Variants in PLCB4 observed in about 807,000 individuals in gnomAD.
PLCB4 encodes 1-phosphatidylinositol 4,5-bisphosphate phosphodiesterase beta-4.
In PLCB4, 77 loss-of-function variants were observed where a neutral mutation model predicts 178.8. The observed-to-expected ratio is 0.43, with a 90% CI of 0.36 to 0.52. The LOEUF is 0.52. PLCB4 is among the 20% of genes least tolerant of loss of function. PLCB4 has a pLI of 0.00. For missense variants in PLCB4, 1,024 were observed against 1,453.4 expected, an observed-to-expected ratio of 0.70 and a Z score of 4.80; for synonymous variants, 496 against 490.8, an observed-to-expected ratio of 1.01 and a Z score of -0.14.
At chr20:9,169,585 T>A (rs949725612) in intron 2 of PLCB4, among the ~76,000 whole-genome samples, 8 of 144,406 alleles carry the variant, frequency 5.5e-5, no homozygotes, top group African/African-American at 1.8e-4. Context: ...CAAGACTGTC[T>A]AATAAATAAA....
At chr20:9,444,722 A>G (rs1206019067) in intron 32 of PLCB4, among the ~76,000 whole-genome samples, 2 of 152,194 alleles carry the variant, frequency 1.3e-5, no homozygotes, top group Non-Finnish European at 2.9e-5. Flanking sequence ...AGATCGTGCC[A>G]TTGCATTCCA....
intron 25 of PLCB4, among the ~76,000 whole-genome samples, chr20:9,415,110 AAGTT>A (rs770956719): frequency 6.6e-6 from 1 of 152,168 alleles, no homozygotes; most frequent in African/African-American, 2.4e-5. Context: ...AGTGTAATAA[AAGTT>A]AGGTGAATGT....
chr20:9,362,742 G>A (rs556773060), intron 7 of PLCB4, among the ~76,000 whole-genome samples, 154 bp from the exon 8 acceptor site: 1 of 152,134 alleles, frequency 6.6e-6, no homozygotes, highest in African/African-American at 2.4e-5. Flanking sequence ...TAAAATATGA[G>A]CCTGCAAAAT....
At chr20:9,342,259 A>T (rs1701551017) in intron 7 of PLCB4, among the ~76,000 whole-genome samples, 1 of 152,204 alleles carries the variant, frequency 6.6e-6, no homozygotes, top group Non-Finnish European at 1.5e-5. Flanking sequence ...ATACACATAG[A>T]TATAATTACC....
intron 2 of PLCB4, among the ~76,000 whole-genome samples, chr20:9,192,811 GA>G (rs145414689): frequency 8.2e-4 from 123 of 150,286 alleles, no homozygotes; most frequent in Admixed American, 5.7e-3. Flanking sequence ...AACAAAAAAA[GA>G]AAAAAAAATG....
At chr20:9,238,279 A>T (rs139338182) in intron 3 of PLCB4, among the ~76,000 whole-genome samples, 47 of 152,280 alleles carry the variant, frequency 3.1e-4, no homozygotes, top group Non-Finnish European at 4.1e-4. Context: ...ATACAAGCAA[A>T]CATCTCATGG....
At chr20:9,464,540 TA>T (rs1471365464) in intron 35 of PLCB4, among the ~76,000 whole-genome samples, 1 of 151,636 alleles carries the variant, frequency 6.6e-6, no homozygotes, top group East Asian at 1.9e-4. Context: ...CTAGCAAGAC[TA>T]ATAAAGAAGA....
At chr20:9,222,009 G>A (rs1307562374) in intron 3 of PLCB4, among the ~76,000 whole-genome samples, 1 of 147,002 alleles carries the variant, frequency 6.8e-6, no homozygotes, top group Non-Finnish European at 1.5e-5. Context: ...TGTTTCTTGG[G>A]CACCTTCTAT....
At chr20:9,161,988 C>A (rs1040217350) in intron 2 of PLCB4, among the ~76,000 whole-genome samples, 1 of 152,130 alleles carries the variant, frequency 6.6e-6, no homozygotes, top group Non-Finnish European at 1.5e-5. Flanking sequence ...GCATGAAGAG[C>A]TGGAGGAACA....
At chr20:9,348,306 A>G (rs2034009297) in intron 7 of PLCB4, among the ~76,000 whole-genome samples, 1 of 152,208 alleles carries the variant, frequency 6.6e-6, no homozygotes, top group Non-Finnish European at 1.5e-5. Context: ...AGAAACATTC[A>G]GTGTGGAATC....
chr20:9,320,440 C>A (rs1432435400), intron 4 of PLCB4, among the ~76,000 whole-genome samples: 1 of 152,144 alleles, frequency 6.6e-6, no homozygotes, highest in Non-Finnish European at 1.5e-5. Flanking sequence ...CTTAGTGCAT[C>A]CTGTTTTATC....
intron 32 of PLCB4, among the ~76,000 whole-genome samples, chr20:9,447,114 A>G (rs958647567): frequency 6.6e-6 from 1 of 152,212 alleles, no homozygotes; most frequent in African/African-American, 2.4e-5. Context: ...GCTTAAGCAC[A>G]TATTCTTAGG....
rs1476171740 is a variant in PLCB4 at position 9,076,195 on chromosome 20, G to A, written c.-135+6989G>A. On this transcript the variant is annotated intron_variant, in intron 1 of 39. Coordinates refer to ENST00000378473, the MANE Select transcript of PLCB4 (RefSeq NM_001377142.1). ...AAAATAAGAACACCTGGCCGGGCGC[G>A]ATGGCTCACGCCTGTAATTTCAGCA... is the stretch of plus-strand genomic sequence containing the variant. Among the ~76,000 whole-genome samples, 5 of 152,108 alleles carry A rather than the reference G, an allele frequency of 3.3e-5. No homozygotes were observed. The South Asian group carries it at 6.2e-4, about 19-fold the overall frequency.
intron 2 of PLCB4, among the ~76,000 whole-genome samples, chr20:9,164,136 C>G (rs1299084372): frequency 1.3e-5 from 2 of 152,100 alleles, no homozygotes; most frequent in African/African-American, 2.4e-5. Context: ...TTAAAACATC[C>G]CAGACTGTAG....
At chr20:9,332,504 T>C (rs1174329491) in intron 4 of PLCB4, among the ~76,000 whole-genome samples, 1 of 152,186 alleles carries the variant, frequency 6.6e-6, no homozygotes, top group Admixed American at 6.5e-5. Context: ...GTTTGAAGCA[T>C]TTGGTCCAAG....
At chr20:9,145,255 A>T (rs2092576120) in intron 2 of PLCB4, among the ~76,000 whole-genome samples, 1 of 152,160 alleles carries the variant, frequency 6.6e-6, no homozygotes. Context: ...AAGAGGCCAC[A>T]TTCATTACAT....
At chr20:9,136,152 C>T (rs1384047898) in intron 2 of PLCB4, among the ~76,000 whole-genome samples, 1 of 152,050 alleles carries the variant, frequency 6.6e-6, no homozygotes, top group African/African-American at 2.4e-5. Flanking sequence ...CACACAATAT[C>T]CTCACACTCT....
At chr20:9,475,325 T>A (rs941046706) in intron 38 of PLCB4, among the ~76,000 whole-genome samples, 3 of 152,216 alleles carry the variant, frequency 2.0e-5, no homozygotes, top group Non-Finnish European at 4.4e-5. Context: ...CCGAAGTACA[T>A]AATTTTTAAA....
At chr20:9,275,687 A>G (rs2094444633) in intron 3 of PLCB4, among the ~76,000 whole-genome samples, 1 of 152,034 alleles carries the variant, frequency 6.6e-6, no homozygotes. Context: ...ATTCTGTTCT[A>G]CTGAAAATAT....
Sources: allele counts gnomAD v4.1 joint callset (sites outside exome capture counted in the v4.1 genomes callset), GRCh38; gene constraint gnomAD v4.1.1; transcripts MANE v1.5; gene names NCBI Gene and HGNC (gene_info 2026-07-23, HGNC 2026-07-21).